Variants in PRH1 observed in about 807,000 individuals in gnomAD.
PRH1 encodes proline rich protein HaeIII subfamily 1.
Under a neutral mutation model 7.9 loss-of-function variants are expected in PRH1, and 7 were observed. The ratio of observed to expected loss-of-function variants is 0.89; its 90% CI spans 0.50 to 1.67. The LOEUF (loss-of-function observed/expected upper bound fraction) is 1.67. PRH1 is among the 40% of genes most tolerant of loss of function. The probability of loss-of-function intolerance (pLI) is 0.00; values close to 1 mark genes in which losing one functional copy is unlikely to be tolerated. For synonymous variants in PRH1, 45 were observed against 80.8 expected, an observed-to-expected ratio of 0.56 and a Z score of 2.38; for missense variants, 109 against 223.6, an observed-to-expected ratio of 0.49 and a Z score of 3.27.
At chr12:11,065,253 A>G (rs888720541) in intron 1 of PRH1, among the ~76,000 whole-genome samples, 1 of 151,928 alleles carries the variant, frequency 6.6e-6, no homozygotes, top group African/African-American at 2.4e-5. Flanking sequence ...GTTACCTTTC[A>G]GGTTTTTTAT....
chr12:11,047,515 CAA>C (rs35592412), upstream of PRH1, among the ~76,000 whole-genome samples: 35 of 84,824 alleles, frequency 4.1e-4, no homozygotes, highest in East Asian at 1.2e-3. Context: ...ATGTCAATTT[CAA>C]AAAAAAAAAG....
Position 11,106,187 on chromosome 12 carries a change from G to A in PRH1, n.124-58999C>T, listed in dbSNP as rs1418211391. Among the ~76,000 whole-genome samples the A allele has an allele frequency of 1.5e-4, 7 of 46,916 alleles. 2 individuals are homozygous for A. Among genetic ancestry groups the A allele is most frequent in the East Asian group, 9.5e-4 (3 of 3,142 alleles). The allele number at this position is 46,916 out of a possible 152,430, so 30.8% of individuals were successfully genotyped here. ...GATCTCCTGACCTCGTGATCCGCCC[G>A]CCTCGGCCTCCCAAAGTGCTGGGAT... On this transcript the variant is annotated intron_variant and non_coding_transcript_variant, in intron 1 of 4. Transcript: ENST00000541977.
At chr12:10,943,499 T>G (rs1950436657) in intron 2 of PRH1, among the ~76,000 whole-genome samples, 1 of 152,142 alleles carries the variant, frequency 6.6e-6, no homozygotes. Context: ...TGTTTGCAAA[T>G]ATTTTCTTTC....
At chr12:11,114,050 G>C (rs2600346) in intron 1 of PRH1, among the ~76,000 whole-genome samples, 69,143 of 151,956 alleles carry the variant, frequency 0.46, 16,549 homozygotes, top group Non-Finnish European at 0.53. Context: ...CTTTTACACT[G>C]TTGGTGGGAG....
intron 2 of PRH1, chr12:10,930,737 C>T: frequency 6.2e-7 from 1 of 1,613,704 alleles, no homozygotes; most frequent in Non-Finnish European, 8.5e-7. Flanking sequence ...TCTCAACCCT[C>T]TGCTGGTGAT....
rs1439455929 is a variant in PRH1, at chr12:11,020,364, ATATATATAT to A, written c.-126+26647_-126+26655del. Among the ~76,000 whole-genome samples, 338 of 132,940 alleles carry A rather than the reference ATATATATAT, an allele frequency of 2.5e-3. 11 individuals carry two copies. The highest frequency in any genetic ancestry group is 0.024 in the South Asian group (107 of 4,504). The allele number at this position is 132,940 out of a possible 152,430, so 87.2% of individuals were successfully genotyped here. The stretch of plus-strand genomic sequence containing the variant: ...TACTAGGGAGGACGTATGATAAGCG[ATATATATAT>A]ATATATATATATATATATGTCTATA... On this transcript the variant is annotated intron_variant, in intron 1 of 3. Coordinates refer to the PRH1 transcript ENST00000539853.
chr12:11,001,472 T>C (rs956418986), intron 1 of PRH1, among the ~76,000 whole-genome samples: 9 of 152,228 alleles, frequency 5.9e-5, no homozygotes, highest in Non-Finnish European at 1.2e-4. Flanking sequence ...TGTGGGCTGA[T>C]GACTTGGGGC....
rs954321284 is a variant in PRH1 at position 10,883,154 on chromosome 12, T to C, written c.65-58A>G. ...TACTTCCTGAATCATTCAAGGCTCATAGTGTTCTACGAGGATAAAGGACCT... is the reference window on the plus strand; with the variant it reads ...TACTTCCTGAATCATTCAAGGCTCACAGTGTTCTACGAGGATAAAGGACCT... On this transcript the variant is annotated intron_variant, in intron 1 of 3. Transcript: ENST00000543626. 14 of 1,573,738 alleles carry C rather than the reference T, an allele frequency of 8.9e-6. No homozygotes were observed. The South Asian group carries it at 1.0e-4, about 11-fold the overall frequency.
At chr12:11,091,503 G>C (rs199943442) in intron 1 of PRH1, 280,373 of 916,776 alleles carry the variant, frequency 0.31, 87,157 homozygotes, top group Admixed American at 0.38. Context: ...ATTATGGACA[G>C]AAAGTAAATG....
chr12:11,148,024 T>C (rs920223582), intron 1 of PRH1, among the ~76,000 whole-genome samples: 9 of 146,152 alleles, frequency 6.2e-5, no homozygotes, highest in African/African-American at 2.2e-4. Context: ...GTTGGACTCC[T>C]AGGTATTTTA....
At chr12:10,891,958 A>C (rs562672201) in intron 2 of PRH1, 2 of 152,354 alleles carry the variant, frequency 1.3e-5, no homozygotes, top group South Asian at 4.1e-4. Context: ...AAGAGTCTTT[A>C]TCTTTAAACA....
At chr12:11,168,443 G>A (rs1383110670) in intron 1 of PRH1, among the ~76,000 whole-genome samples, 33 of 142,414 alleles carry the variant, frequency 2.3e-4, no homozygotes, top group African/African-American at 8.5e-4. Context: ...AAAGAAAAAA[G>A]AAAGAAAGAA....
intron 2 of PRH1, among the ~76,000 whole-genome samples, chr12:10,920,588 A>G (rs1457894225): frequency 1.3e-5 from 2 of 152,008 alleles, no homozygotes; most frequent in East Asian, 1.9e-4. Context: ...GTGTAATTTT[A>G]GCCCATATAT....
intron 2 of PRH1, among the ~76,000 whole-genome samples, chr12:10,960,350 C>G (rs1410049804): frequency 6.6e-6 from 1 of 152,208 alleles, no homozygotes; most frequent in African/African-American, 2.4e-5. Flanking sequence ...TATCCCTATT[C>G]AGTTAACCTA....
intron 1 of PRH1, among the ~76,000 whole-genome samples, chr12:11,042,623 C>CTT (rs71051557): frequency 0.025 from 2,019 of 79,224 alleles, 197 homozygotes; most frequent in East Asian, 0.11. Context: ...CAGGCTCATT[C>CTT]TTTTTTTTTT....
In PRH1 at chr12:10,985,834, C is replaced by T. The variant is rs1939586229; in HGVS notation, c.-125-12113G>A. On this transcript the variant is annotated intron_variant, in intron 1 of 3. Coordinates refer to the PRH1 transcript ENST00000539853. Reference sequence around the variant, plus strand: ...TATGCTTTCAGAAAATACTCAAAAACATACACTACAGAAAAAACAGTAAAA... The same window carrying T: ...TATGCTTTCAGAAAATACTCAAAAATATACACTACAGAAAAAACAGTAAAA... The T allele has an allele frequency of 8.4e-6, 9 of 1,073,638 alleles. No homozygotes were observed. The South Asian group carries it at 1.4e-4, about 17-fold the overall frequency. 66.5% of individuals were successfully genotyped at this position (1,073,638 alleles called of 1,614,324 possible). A position where few individuals can be genotyped will look rare whatever the true frequency, so the allele number is the denominator to read the frequency against.
chr12:10,997,825 A>G, intron 1 of PRH1: 1 of 1,612,122 alleles, frequency 6.2e-7, no homozygotes, highest in South Asian at 1.1e-5. Context: ...TTCCAAGAAT[A>G]AATGCAACCA....
In PRH1 at chr12:10,881,021, C is replaced by A; in HGVS notation, c.*54G>T. 1 of 182,252 alleles carries A rather than the reference C, an allele frequency of 5.5e-6. No individual in the cohort carries two copies. Among genetic ancestry groups the A allele is most frequent in the South Asian group, 9.4e-5 (1 of 10,584 alleles). 11.3% of individuals were successfully genotyped at this position (182,252 alleles called of 1,614,324 possible). On this transcript the variant is annotated 3_prime_UTR_variant, in exon 4 of 4. Transcript: ENST00000543626. Reference sequence around the variant, plus strand: ...AGTTAGAGCATGATGCCATGTTTCACGGCATTTGAAACACTGTTATCTTCT... The same window carrying A: ...AGTTAGAGCATGATGCCATGTTTCAAGGCATTTGAAACACTGTTATCTTCT...
intron 1 of PRH1, chr12:10,997,730 G>T (rs753448586): frequency 7.4e-6 from 12 of 1,613,794 alleles, no homozygotes; most frequent in Admixed American, 5.0e-5. Context: ...TGCCAGAGCA[G>T]CAATAATTTG....
Sources: gnomAD v4.1 joint callset for allele counts (sites outside exome capture counted in the v4.1 genomes callset) on GRCh38, gnomAD v4.1.1 for gene constraint, MANE v1.5 for transcripts, NCBI Gene and HGNC (gene_info 2026-07-23, HGNC 2026-07-21) for gene names.